LTV1: variants seen among roughly 807,000 people sequenced by gnomAD.
LTV1 encodes the protein protein LTV1 homolog.
In LTV1, 39 loss-of-function variants were observed where a neutral mutation model predicts 59.9. That is an observed-to-expected ratio of 0.65 (90% CI 0.50 to 0.85). LTV1 has a LOEUF of 0.85. Ranked by LOEUF, LTV1 falls within the 40% of genes least tolerant of loss-of-function variation. The pLI is 0.00. For synonymous variants in LTV1, 171 were observed against 189.5 expected (o/e 0.90, Z 0.80); for missense variants, 493 against 549.1 (o/e 0.90, Z 1.02).
At chr6:143,848,379 A>G (rs963687847) in intron 3 of LTV1, among the ~76,000 whole-genome samples, 1 of 152,178 alleles carries the variant, frequency 6.6e-6, no homozygotes, top group Admixed American at 6.5e-5. Flanking sequence ...TTAAAAATAT[A>G]CTCTACAGCA....
intron 1 of LTV1, 57 bp downstream of exon 1, chr6:143,843,537 C>T: frequency 1.2e-6 from 2 of 1,610,164 alleles, no homozygotes; most frequent in South Asian, 1.1e-5. Context: ...AGAGGCCAGG[C>T]TGCTTCCGGT....
intron 4 of LTV1, among the ~76,000 whole-genome samples, chr6:143,852,646 G>A (rs764222556): frequency 6.6e-6 from 1 of 152,156 alleles, no homozygotes; most frequent in Non-Finnish European, 1.5e-5. Flanking sequence ...CTTTGCCCAT[G>A]CCTATATCCT....
At chr6:143,850,036 TG>T in intron 3 of LTV1, 94 bp from the exon 4 acceptor site, 1 of 886,384 alleles carries the variant, frequency 1.1e-6, no homozygotes, top group Non-Finnish European at 1.9e-6. Context: ...TCTAAGGTTC[TG>T]GATGGACATT....
At chr6:143,854,750 G>T (rs1248912371) in intron 4 of LTV1, among the ~76,000 whole-genome samples, 1 of 152,130 alleles carries the variant, frequency 6.6e-6, no homozygotes, top group Non-Finnish European at 1.5e-5. Context: ...AAGTAGTTGT[G>T]CATTTTTGAG....
intron 3 of LTV1, among the ~76,000 whole-genome samples, chr6:143,849,568 A>C (rs1776948049): frequency 6.6e-6 from 1 of 152,204 alleles, no homozygotes; most frequent in Admixed American, 6.5e-5. Flanking sequence ...ATTGTGATGT[A>C]TTATAGAGAG....
chr6:143,861,421 G>A (rs1235143020), intron 7 of LTV1, among the ~76,000 whole-genome samples: 1 of 149,996 alleles, frequency 6.7e-6, no homozygotes, highest in Non-Finnish European at 1.5e-5. Context: ...GTGACAGGGC[G>A]AGACTCTGTC....
chr6:143,860,613 A>T, intron 7 of LTV1, 60 bp downstream of exon 7: 1 of 1,489,736 alleles, frequency 6.7e-7, no homozygotes, highest in Non-Finnish European at 9.0e-7. Flanking sequence ...AAAAAATTCC[A>T]AAGAAAGGTC....
At chr6:143,849,029 C>G (rs899291665) in intron 3 of LTV1, among the ~76,000 whole-genome samples, 5 of 152,136 alleles carry the variant, frequency 3.3e-5, no homozygotes, top group Non-Finnish European at 5.9e-5. Context: ...CCTTGAGAAC[C>G]AGGGCCTTAA....
chr6:143,851,905 G>A (rs888371025), intron 4 of LTV1, among the ~76,000 whole-genome samples: 2 of 152,056 alleles, frequency 1.3e-5, no homozygotes, highest in African/African-American at 4.8e-5. Context: ...ACATGAACGT[G>A]TCCTTTTTTA....
intron 7 of LTV1, among the ~76,000 whole-genome samples, chr6:143,861,019 C>T (rs1777156405): frequency 6.6e-6 from 1 of 151,688 alleles, no homozygotes; most frequent in African/African-American, 2.4e-5. Context: ...GCCTCAGCCT[C>T]CTGAGCAGAT....
rs1777214887 is a variant in LTV1, at chr6:143,863,671, G to T, written c.*144G>T. ...CAATATTTGTATTATTTTTATACTA[G>T]TAAGTGTCCCCTGCCAACCATCTTG... On this transcript the variant is annotated 3_prime_UTR_variant, in exon 11 of 11. Coordinates refer to ENST00000367576, the MANE Select transcript of LTV1 (RefSeq NM_032860.5). The surrounding 1 kb of genome is among the most constrained non-coding windows in gnomAD (Gnocchi z 4.5). The T allele has an allele frequency of 2.0e-6, 1 of 506,814 alleles. No individual in the cohort carries two copies. Among genetic ancestry groups the T allele is most frequent in the Non-Finnish European group, 3.5e-6 (1 of 281,950 alleles). 31.4% of individuals were successfully genotyped at this position (506,814 alleles called of 1,614,324 possible). A position where few individuals can be genotyped will look rare whatever the true frequency, so the allele number is the denominator to read the frequency against.
At position 143,862,642 on chromosome 6, in the gene LTV1, T is replaced by G. The variant is rs999868656; in HGVS notation, c.1064-202T>G. 6.6e-6 allele frequency among the ~76,000 whole-genome samples: 1 copy of G among 152,186 alleles called. No individual in the cohort carries two copies. The highest frequency in any genetic ancestry group is 2.4e-5 in the African/African-American group (1 of 41,456). Reference sequence around the variant, plus strand: ...ACATATATTTTAATAAGAGTTAGGCTTTTAGGAAATTTGTGAAAAATTATT... The same window carrying G: ...ACATATATTTTAATAAGAGTTAGGCGTTTAGGAAATTTGTGAAAAATTATT... On this transcript the variant is annotated intron_variant, in intron 8 of 10. Coordinates refer to ENST00000367576, the MANE Select transcript of LTV1 (RefSeq NM_032860.5). This position sits in a 1 kb window ranked among gnomAD's most constrained non-coding sequence, Gnocchi z 4.2.
At chr6:143,859,384 A>G (rs376355053) in intron 6 of LTV1, among the ~76,000 whole-genome samples, 1 of 152,208 alleles carries the variant, frequency 6.6e-6, no homozygotes, top group Non-Finnish European at 1.5e-5. Flanking sequence ...TGTATGTTAT[A>G]TATAGATTTG....
chr6:143,851,903 G>A (rs1454562946), intron 4 of LTV1, among the ~76,000 whole-genome samples: 1 of 152,054 alleles, frequency 6.6e-6, no homozygotes, highest in Non-Finnish European at 1.5e-5. Flanking sequence ...GGACATGAAC[G>A]TGTCCTTTTT....
rs1190145053 is a variant in LTV1, at chr6:143,862,916, G to C, written c.1116+20G>C. 1.3e-6 allele frequency: 2 copies of C among 1,571,838 alleles called. No individual in the cohort carries two copies. The highest frequency in any genetic ancestry group is 2.7e-5 in the African/African-American group (2 of 73,906). On this transcript the variant is annotated intron_variant, in intron 9 of 10. Transcript: ENST00000367576. This position sits in a 1 kb window ranked among gnomAD's most constrained non-coding sequence, Gnocchi z 4.2. Reference sequence around the variant, plus strand: ...CCAAAGGTAAGTCCTAGTGTGCTGAGCTATTTGAAGGATGCAGTGCATAAA... The same window carrying C: ...CCAAAGGTAAGTCCTAGTGTGCTGACCTATTTGAAGGATGCAGTGCATAAA...
rs1383904039 is a variant in LTV1, at chr6:143,857,440, A to G, written c.535A>G (p.Ile179Val). 1 of 1,613,250 alleles carries G rather than the reference A, an allele frequency of 6.2e-7. No homozygotes were observed. The highest frequency in any genetic ancestry group is 8.5e-7 in the Non-Finnish European group (1 of 1,179,328). The change falls in exon 5 of 11, where the codon ATA (isoleucine) becomes GTA (valine). Residue 179 changes from isoleucine to valine, a missense_variant. Coordinates refer to ENST00000367576, the MANE Select transcript of LTV1 (RefSeq NM_032860.5). The surrounding 1 kb of genome is among the most constrained non-coding windows in gnomAD (Gnocchi z 5.2). Reference sequence around the variant, plus strand: ...AACAGGAGAGGAAGAGGGAATGGATATACAGTATGTGTGGTTTGTTTCAAA... The same window carrying G: ...AACAGGAGAGGAAGAGGGAATGGATGTACAGTATGTGTGGTTTGTTTCAAA... ...KATGEEEGMD[I>V]QKSENEDDSE...
chr6:143,845,158 A>G (rs769801159), intron 2 of LTV1, among the ~76,000 whole-genome samples: 9 of 152,104 alleles, frequency 5.9e-5, no homozygotes, highest in Non-Finnish European at 1.3e-4. Context: ...CTCCTTGGTT[A>G]GCTCAGGGAA....
chr6:143,846,608 CTT>C (rs1462544440), intron 3 of LTV1, among the ~76,000 whole-genome samples: 1 of 152,200 alleles, frequency 6.6e-6, no homozygotes, highest in East Asian at 1.9e-4. Flanking sequence ...ATCTTTAACA[CTT>C]TTGTAAAAGC....
chr6:143,852,079 G>T (rs527797080), intron 4 of LTV1, among the ~76,000 whole-genome samples: 2 of 152,276 alleles, frequency 1.3e-5, no homozygotes, highest in African/African-American at 2.4e-5. Flanking sequence ...TATCCTTTGG[G>T]TATGTACCCA....
Sources: gnomAD v4.1 joint callset for allele counts (sites outside exome capture counted in the v4.1 genomes callset) on GRCh38, gnomAD v4.1.1 for gene constraint, Gnocchi (gnomAD v3.1) non-coding constraint, MANE v1.5 for transcripts, NCBI Gene and HGNC (gene_info 2026-07-23, HGNC 2026-07-21) for gene names.